HHAT: variants seen among roughly 807,000 people sequenced by gnomAD.
HHAT encodes the protein hedgehog acyltransferase, also known as protein-cysteine N-palmitoyltransferase HHAT.
A neutral mutation model predicts 70.8 loss-of-function variants in HHAT; 47 were observed. The observed-to-expected ratio is 0.66, with a 90% CI of 0.53 to 0.85. HHAT has a LOEUF of 0.85. HHAT is among the 40% of genes least tolerant of loss of function. The pLI, the probability that HHAT is intolerant of heterozygous loss-of-function variation, is 0.00. For missense variants in HHAT, 609 were observed against 604.8 expected, an observed-to-expected ratio of 1.01 and a Z score of -0.07; for synonymous variants, 228 against 247.6, an observed-to-expected ratio of 0.92 and a Z score of 0.74.
At chr1:210,576,679 G>GA (rs1390048953) in intron 9 of HHAT, among the ~76,000 whole-genome samples, 2 of 151,666 alleles carry the variant, frequency 1.3e-5, no homozygotes, top group East Asian at 3.9e-4. Context: ...TAATAACATT[G>GA]AAAAAAAGAA....
chr1:210,543,294 ATT>A (rs952732270), intron 9 of HHAT, among the ~76,000 whole-genome samples: 1 of 151,132 alleles, frequency 6.6e-6, no homozygotes, highest in Non-Finnish European at 1.5e-5. Flanking sequence ...CTTTCTCTGA[ATT>A]TTTTTTTCCT....
rs1467850122 is a variant in HHAT, at chr1:210,419,328, GTC to G, written c.856+1005_856+1006del. ...TGTCTGCCAGGGAGGTGGCATGGAA[GTC>G]TTACTTCCTCAGCAGGGCTAGTCTC... On this transcript the variant is annotated intron_variant, in intron 7 of 11. Transcript: ENST00000261458. Among the ~76,000 whole-genome samples, 3 of 152,318 alleles carry G rather than the reference GTC, an allele frequency of 2.0e-5. No individual in the cohort carries two copies. In the East Asian group the frequency reaches 5.8e-4, roughly 29 times the overall value.
intron 4 of HHAT, among the ~76,000 whole-genome samples, chr1:210,389,153 C>T (rs2091282287): frequency 6.6e-6 from 1 of 150,390 alleles, no homozygotes. Flanking sequence ...GGAATTTATA[C>T]AGTTATGGAG....
At chr1:210,583,855 C>T (rs748088930) in intron 9 of HHAT, among the ~76,000 whole-genome samples, 7 of 151,904 alleles carry the variant, frequency 4.6e-5, no homozygotes, top group Non-Finnish European at 7.4e-5. Flanking sequence ...GAAAACATGT[C>T]CTCCTTGGAG....
chr1:210,630,189 C>T (rs1323532943), intron 11 of HHAT, among the ~76,000 whole-genome samples: 2 of 152,128 alleles, frequency 1.3e-5, no homozygotes, highest in African/African-American at 4.8e-5. Flanking sequence ...ACTGGGCCTG[C>T]CCGGATAGTC....
intron 1 of HHAT, chr1:210,329,335 G>C: frequency 3.3e-6 from 4 of 1,209,114 alleles, no homozygotes; most frequent in Non-Finnish European, 4.1e-6. Flanking sequence ...CTAGGCGCCG[G>C]GACAAGTCCG....
Position 210,435,028 on chromosome 1 carries a change from A to C in HHAT, c.856+16703A>C, listed in dbSNP as rs545882255. Among the ~76,000 whole-genome samples, 3 of 151,970 alleles carry C rather than the reference A, an allele frequency of 2.0e-5. No homozygotes were observed. The South Asian group carries it at 6.2e-4, about 32-fold the overall frequency. Reference sequence around the variant, plus strand: ...CTGTTTTGAAACATACAATCAATTAATGTTAACTATAGTTACCCTGTTGAT... The same window carrying C: ...CTGTTTTGAAACATACAATCAATTACTGTTAACTATAGTTACCCTGTTGAT... On this transcript the variant is annotated intron_variant, in intron 7 of 11. Transcript: ENST00000261458.
intron 6 of HHAT, among the ~76,000 whole-genome samples, chr1:210,406,784 TA>T (rs1369758741): frequency 6.6e-6 from 1 of 152,194 alleles, no homozygotes; most frequent in Non-Finnish European, 1.5e-5. Flanking sequence ...ATCTTCCACC[TA>T]AATCCTTAGC....
Position 210,629,133 on chromosome 1 carries a change from C to T in HHAT, c.1390+5463C>T, listed in dbSNP as rs140903222. On this transcript the variant is annotated intron_variant, in intron 11 of 11. Transcript: ENST00000261458. ...GTAGATGTAGGTTAGACAGTCTATC[C>T]GTGTTTACATCATTGGTCCATTTAT... Among the ~76,000 whole-genome samples, 5 of 152,296 alleles carry T rather than the reference C, an allele frequency of 3.3e-5. No individual in the cohort carries two copies. The East Asian group carries it at 7.7e-4, about 24-fold the overall frequency.
chr1:210,600,046 C>T (rs1305588045), intron 10 of HHAT, among the ~76,000 whole-genome samples: 1 of 152,162 alleles, frequency 6.6e-6, no homozygotes, highest in African/African-American at 2.4e-5. Flanking sequence ...CAGATTTCAG[C>T]TCAAATGATA....
intron 2 of HHAT, among the ~76,000 whole-genome samples, chr1:210,354,904 A>G (rs1169265595): frequency 1.3e-5 from 2 of 152,180 alleles, no homozygotes; most frequent in African/African-American, 4.8e-5. Context: ...ATTGTAATAA[A>G]CTTATAAATT....
intron 2 of HHAT, among the ~76,000 whole-genome samples, chr1:210,352,000 A>G (rs1209739687): frequency 6.6e-6 from 1 of 152,154 alleles, no homozygotes; most frequent in Non-Finnish European, 1.5e-5. Context: ...ATACTTCTTT[A>G]CCCACATGAG....
chr1:210,539,448 CA>C (rs2095407020), intron 9 of HHAT, among the ~76,000 whole-genome samples: 2 of 152,180 alleles, frequency 1.3e-5, no homozygotes, highest in Non-Finnish European at 2.9e-5. Flanking sequence ...CCTTTGAGCC[CA>C]GGTGGCCTTG....
In HHAT at chr1:210,627,479, C is replaced by T. The variant is rs111256596; in HGVS notation, c.1390+3809C>T. ...AGTGATTTCCATGAAAATGTCTGTC[C>T]TGGTCTCTGTGGGTCATATGGGTGA... On this transcript the variant is annotated intron_variant, in intron 11 of 11. Transcript: ENST00000261458. Among the ~76,000 whole-genome samples the T allele has an allele frequency of 7.0e-3, 1,060 of 152,118 alleles. 15 individuals are homozygous for T. The highest frequency in any genetic ancestry group is 0.024 in the African/African-American group (1,001 of 41,482).
chr1:210,656,777 C>A (rs978856158), intron 11 of HHAT, among the ~76,000 whole-genome samples: 2 of 152,252 alleles, frequency 1.3e-5, no homozygotes, highest in East Asian at 3.9e-4. Flanking sequence ...CAGAGAGGGC[C>A]CCCAGACTCC....
chr1:210,471,882 T>C (rs76894561), intron 8 of HHAT, among the ~76,000 whole-genome samples: 2,008 of 152,318 alleles, frequency 0.013, 51 homozygotes, highest in African/African-American at 0.046. Flanking sequence ...CAATGCATTG[T>C]TGTTTACTTT....
intron 9 of HHAT, among the ~76,000 whole-genome samples, chr1:210,579,535 A>G (rs1226216628): frequency 1.3e-5 from 2 of 152,096 alleles, no homozygotes; most frequent in Non-Finnish European, 2.9e-5. Context: ...AAATCTCCAG[A>G]GTCTTTATAT....
chr1:210,533,925 G>A (rs944834330), intron 9 of HHAT, among the ~76,000 whole-genome samples: 1 of 152,172 alleles, frequency 6.6e-6, no homozygotes, highest in Admixed American at 6.5e-5. Flanking sequence ...GCTGGCACCT[G>A]GCGGCTTGGT....
At chr1:210,464,690 T>C (rs772813324) in intron 8 of HHAT, 35 bp downstream of exon 8, 2 of 1,612,800 alleles carry the variant, frequency 1.2e-6, no homozygotes, top group Admixed American at 1.7e-5. Flanking sequence ...TGGTCAGGCA[T>C]GTCCAGTGGG....
Sources: gnomAD v4.1 joint callset for allele counts (sites outside exome capture counted in the v4.1 genomes callset) on GRCh38, gnomAD v4.1.1 for gene constraint, MANE v1.5 for transcripts, NCBI Gene and HGNC (gene_info 2026-07-23, HGNC 2026-07-21) for gene names.